The following CELA3B variants were observed in gnomAD, a reference collection of about 807,000 sequenced individuals.
CELA3B encodes chymotrypsin-like elastase family member 3B.
A neutral mutation model predicts 37.2 loss-of-function variants in CELA3B; 34 were observed. That is an observed-to-expected ratio of 0.91 (90% CI 0.70 to 1.22). The LOEUF (loss-of-function observed/expected upper bound fraction) is 1.22. Among genes scored for constraint, CELA3B ranks in the 50% most tolerant of loss-of-function variants. The probability of loss-of-function intolerance (pLI) is 0.00; values close to 1 mark genes in which losing one functional copy is unlikely to be tolerated. For missense variants in CELA3B, 340 were observed against 363.1 expected, an observed-to-expected ratio of 0.94 and a Z score of 0.52; for synonymous variants, 127 against 143.5, an observed-to-expected ratio of 0.89 and a Z score of 0.82.
At chr1:21,996,306 T>G (rs1237211457) in intron 4 of CELA3B, among the ~76,000 whole-genome samples, 1 of 150,928 alleles carries the variant, frequency 6.6e-6, no homozygotes, top group Non-Finnish European at 1.5e-5. Context: ...AAAATACAGC[T>G]CATAAAGACC....
In CELA3B at chr1:21,980,926, G is replaced by C. The variant is rs371970992; in HGVS notation, c.227+5G>C. On this transcript the variant is annotated splice_donor_5th_base_variant and intron_variant, in intron 3 of 7. Coordinates refer to ENST00000337107, the MANE Select transcript of CELA3B (RefSeq NM_007352.4). ...GACTGCCGGCCACTGCATCTCGTGA[G>C]TTCTCTACCCTGTCCCTGCCTGTGG... 5 of 1,613,784 alleles carry C rather than the reference G, an allele frequency of 3.1e-6. No individual in the cohort carries two copies. In the African/African-American group the frequency reaches 6.7e-5, roughly 22 times the overall value.
chr1:21,981,850 C>T (rs530058021), intron 4 of CELA3B, among the ~76,000 whole-genome samples: 5 of 151,942 alleles, frequency 3.3e-5, no homozygotes, highest in Non-Finnish European at 5.9e-5. Context: ...CTCAGCGTCC[C>T]GAGTAGCTGG....
At chr1:21,982,041 A>C (rs113153684) in intron 4 of CELA3B, among the ~76,000 whole-genome samples, 5 of 152,262 alleles carry the variant, frequency 3.3e-5, no homozygotes, top group African/African-American at 1.2e-4. Flanking sequence ...AAAATTCTTA[A>C]GTCTGAGTGG....
Position 21,978,338 on chromosome 1 carries a change from C to A in CELA3B, c.44-31C>A, listed in dbSNP as rs143312313. 161,509 of 1,544,868 alleles carry A rather than the reference C, an allele frequency of 0.1. 3,723 individuals are homozygous for A. Among genetic ancestry groups the A allele is most frequent in the African/African-American group, 0.37 (25,083 of 67,194 alleles). On this transcript the variant is annotated intron_variant, in intron 1 of 7. Coordinates refer to ENST00000337107, the MANE Select transcript of CELA3B (RefSeq NM_007352.4). ...TCCTCTTTGCTTTTGGGGACCCTCCCGCTGATTGACAGCTCTCCTCTCCCC... is the reference window on the plus strand; with the variant it reads ...TCCTCTTTGCTTTTGGGGACCCTCCAGCTGATTGACAGCTCTCCTCTCCCC...
At position 21,981,100 on chromosome 1, in the gene CELA3B, A is replaced by G. The variant is rs1347000061; in HGVS notation, c.290A>G (p.Glu97Gly). The G allele has an allele frequency of 6.2e-7, 1 of 1,613,558 alleles. No homozygotes were observed. The highest frequency in any genetic ancestry group is 1.1e-5 in the South Asian group (1 of 91,058). ...EYDRAVKEGP[E>G]QVIPINSGDL... is the part of the protein sequence containing the mutation. The stretch of plus-strand genomic sequence containing the variant: ...GACCGTGCTGTGAAGGAGGGCCCCG[A>G]GCAGGTGATCCCCATCAACTCTGGG... Residue 97 changes from glutamate to glycine, a missense_variant, in exon 4 of 8, where the codon GAG (glutamate) becomes GGG (glycine). Coordinates refer to ENST00000337107, the MANE Select transcript of CELA3B (RefSeq NM_007352.4).
chr1:21,987,927 C>T (rs1026835027), intron 7 of CELA3B: 2 of 151,866 alleles, frequency 1.3e-5, no homozygotes, highest in African/African-American at 4.9e-5. Flanking sequence ...AAAAACATTT[C>T]TGGCCAAGTA....
downstream of CELA3B, among the ~76,000 whole-genome samples, chr1:21,991,747 G>A (rs575026333): frequency 5.9e-5 from 9 of 151,480 alleles, no homozygotes; most frequent in South Asian, 1.9e-3. Flanking sequence ...TCAGAAACAG[G>A]CACTCCAAAG....
At chr1:21,987,294 A>G (rs1388921859) in intron 7 of CELA3B, among the ~76,000 whole-genome samples, 1 of 151,616 alleles carries the variant, frequency 6.6e-6, no homozygotes, top group Non-Finnish European at 1.5e-5. Context: ...CTCTACTAAA[A>G]ATACAAAAAT....
In CELA3B at chr1:21,977,050, G is replaced by A. The variant is rs150299209; in HGVS notation, c.11G>A (p.Arg4Gln). 2.2e-5 allele frequency: 36 copies of A among 1,613,954 alleles called. 1 individual carries two copies. The African/African-American group carries it at 2.8e-4, about 13-fold the overall frequency. ...ATCATCGCAAAACTCATGATGCTCCGGCTGCTCAGTTCCCTCCTCCTTGTG... is the reference window on the plus strand; with the variant it reads ...ATCATCGCAAAACTCATGATGCTCCAGCTGCTCAGTTCCCTCCTCCTTGTG... Reference protein sequence around the residue: MMLRLLSSLLLVAV... With the variant: MMLQLLSSLLLVAV... The change falls in exon 1 of 8, where the codon CGG becomes CAG. Residue 4 changes from arginine to glutamine, a missense_variant. Transcript: ENST00000337107.
At chr1:21,991,885 T>C (rs980624358), downstream of CELA3B, among the ~76,000 whole-genome samples, 1 of 150,930 alleles carries the variant, frequency 6.6e-6, no homozygotes, top group Admixed American at 6.6e-5. Context: ...TTTGGGAGGC[T>C]GAGGCCAGTG....
chr1:21,995,735 T>C (rs1569857058), intron 4 of CELA3B, among the ~76,000 whole-genome samples: 2 of 148,194 alleles, frequency 1.3e-5, no homozygotes, highest in South Asian at 2.1e-4. Context: ...TATCACAAAC[T>C]GGGTGGCTTA....
At chr1:21,981,894 T>G (rs1022885254) in intron 4 of CELA3B, among the ~76,000 whole-genome samples, 3 of 151,788 alleles carry the variant, frequency 2.0e-5, no homozygotes, top group Non-Finnish European at 4.4e-5. Context: ...CCTGGCTAAT[T>G]TTTTGTATTT....
chr1:21,988,817 G>C (rs1387842400), intron 7 of CELA3B, among the ~76,000 whole-genome samples: 1 of 151,898 alleles, frequency 6.6e-6, no homozygotes, highest in African/African-American at 2.4e-5. Flanking sequence ...ATGAACCCAA[G>C]AGGTGGAGGT....
At chr1:21,977,235 C>T (rs1644778036) in intron 1 of CELA3B, among the ~76,000 whole-genome samples, 153 bp downstream of exon 1, 1 of 152,016 alleles carries the variant, frequency 6.6e-6, no homozygotes, top group Non-Finnish European at 1.5e-5. Flanking sequence ...TGGGGGCTTT[C>T]AGCTTATGAT....
rs535269494 is a variant in CELA3B at position 21,998,347 on chromosome 1, C to T, written c.*158C>T. 25 of 393,366 alleles carry T rather than the reference C, an allele frequency of 6.4e-5. 1 individual carries two copies. Among genetic ancestry groups the T allele is most frequent in the Non-Finnish European group, 9.1e-5 (17 of 186,398 alleles). 24.4% of individuals were successfully genotyped at this position (393,366 alleles called of 1,614,324 possible). The stretch of plus-strand genomic sequence containing the variant: ...GCCCACTGGGTTATATTCTGGGAGC[C>T]GAGGCCACAGCAGTGAACAAAGCAC... On this transcript the variant is annotated 3_prime_UTR_variant, in exon 5 of 5. Transcript: ENST00000400277.
chr1:21,977,499 C>T (rs1304879383), intron 1 of CELA3B, among the ~76,000 whole-genome samples: 2 of 152,106 alleles, frequency 1.3e-5, no homozygotes, highest in Non-Finnish European at 2.9e-5. Context: ...AGCTCAGGGC[C>T]ACCTCTTCCA....
At chr1:21,984,638 A>G (rs879618932) in intron 6 of CELA3B, among the ~76,000 whole-genome samples, 1 of 152,160 alleles carries the variant, frequency 6.6e-6, no homozygotes, top group Non-Finnish European at 1.5e-5. Flanking sequence ...ACGCAGGTCA[A>G]TTCTGTGGTT....
rs1644900509 is a variant in CELA3B, at chr1:21,998,476, C to T, written c.*287C>T. On this transcript the variant is annotated 3_prime_UTR_variant, in exon 5 of 5. Coordinates refer to the CELA3B transcript ENST00000400277. Reference sequence around the variant, plus strand: ...TGCCCATCAGGACACCATCCAGATGCTGCTGCGCTTTTCCAGGCCACACAG... The same window carrying T: ...TGCCCATCAGGACACCATCCAGATGTTGCTGCGCTTTTCCAGGCCACACAG... 4 of 228,562 alleles carry T rather than the reference C, an allele frequency of 1.8e-5. No individual in the cohort carries two copies. In the South Asian group the frequency reaches 2.0e-4, roughly 11 times the overall value. The allele number at this position is 228,562 out of a possible 1,614,324, so 14.2% of individuals were successfully genotyped here.
chr1:21,979,006 C>T (rs550595679), intron 2 of CELA3B, among the ~76,000 whole-genome samples: 4 of 151,030 alleles, frequency 2.6e-5, no homozygotes, highest in East Asian at 2.0e-4. Flanking sequence ...GAGATCGCAC[C>T]ACTGCACTCC....
Sources: gnomAD v4.1 joint callset for allele counts (sites outside exome capture counted in the v4.1 genomes callset) on GRCh38, gnomAD v4.1.1 for gene constraint, MANE v1.5 for transcripts, NCBI Gene and HGNC (gene_info 2026-07-23, HGNC 2026-07-21) for gene names.